Variants in RPS6KC1 observed in about 807,000 individuals in gnomAD.
RPS6KC1 encodes the protein ribosomal protein S6 kinase C1.
In RPS6KC1, 54 loss-of-function variants were observed where a neutral mutation model predicts 103.8. The ratio of observed to expected loss-of-function variants is 0.52; its 90% CI spans 0.42 to 0.65. RPS6KC1 has a LOEUF of 0.65. Among genes scored for constraint, RPS6KC1 ranks in the 30% least tolerant of loss-of-function variants. The pLI, the probability that RPS6KC1 is intolerant of heterozygous loss-of-function variation, is 0.00. For missense variants in RPS6KC1, 1,151 were observed against 1,253.8 expected, an observed-to-expected ratio of 0.92 and a Z score of 1.24; for synonymous variants, 439 against 438.7, an observed-to-expected ratio of 1.00 and a Z score of -0.01.
intron 6 of RPS6KC1, among the ~76,000 whole-genome samples, chr1:213,158,626 A>G (rs549539279): frequency 7.3e-4 from 111 of 152,342 alleles, no homozygotes; most frequent in African/African-American, 2.6e-3. Flanking sequence ...TATCGAAATA[A>G]AGAGTTAAAT....
At chr1:213,634,999 T>C in the RPS6KC1 span, among the ~76,000 whole-genome samples, 2 of 152,044 alleles carry the variant, frequency 1.3e-5, no homozygotes, top group African/African-American at 2.4e-5. Context: ...AAGACCTCTA[T>C]GCAAATAAAC....
the RPS6KC1 span, among the ~76,000 whole-genome samples, chr1:213,685,031 C>T: frequency 6.6e-6 from 1 of 152,186 alleles, no homozygotes; most frequent in Non-Finnish European, 1.5e-5. Context: ...ATTCACCCCA[C>T]CCTCTCCTTT....
chr1:213,214,831 G>A (rs2093616280), intron 8 of RPS6KC1, among the ~76,000 whole-genome samples: 1 of 152,130 alleles, frequency 6.6e-6, no homozygotes, highest in Non-Finnish European at 1.5e-5. Flanking sequence ...CTGTTAGAAT[G>A]AAAACTAACA....
chr1:213,786,419 A>T, the RPS6KC1 span, among the ~76,000 whole-genome samples: 11 of 152,328 alleles, frequency 7.2e-5, no homozygotes, highest in African/African-American at 2.6e-4. Context: ...GGACAACATG[A>T]AAATGAAATT....
chr1:213,673,089 A>G, the RPS6KC1 span, among the ~76,000 whole-genome samples: 1 of 152,200 alleles, frequency 6.6e-6, no homozygotes, highest in Non-Finnish European at 1.5e-5. Context: ...TGAAGCTACT[A>G]AGACCGAAGT....
chr1:213,363,251 C>CTTTCGTTCT, the RPS6KC1 span, among the ~76,000 whole-genome samples: 34 of 152,206 alleles, frequency 2.2e-4, no homozygotes, highest in African/African-American at 8.2e-4. Context: ...TCTGACTTCA[C>CTTTCGTTCT]TTTCTTTATA....
the RPS6KC1 span, among the ~76,000 whole-genome samples, chr1:213,586,035 C>A: frequency 6.6e-6 from 1 of 152,234 alleles, no homozygotes; most frequent in Non-Finnish European, 1.5e-5. Flanking sequence ...TTGACAGTCA[C>A]ATCTGGCCTC....
At chr1:213,511,680 C>G in the RPS6KC1 span, among the ~76,000 whole-genome samples, 4 of 152,184 alleles carry the variant, frequency 2.6e-5, no homozygotes, top group Non-Finnish European at 4.4e-5. Context: ...TACTTTTCCT[C>G]CAATAAACTA....
rs540907890 is a variant in RPS6KC1, at chr1:213,206,430, A to G, written c.1045-24067A>G. Among the ~76,000 whole-genome samples, 6 of 152,362 alleles carry G rather than the reference A, an allele frequency of 3.9e-5. No individual in the cohort carries two copies. In the East Asian group the frequency reaches 1.2e-3, roughly 29 times the overall value. ...GCAGGCACTGTGTTAGGTGCTGGACATATTACAGTATATCAGACATGGTTC... is the reference window on the plus strand; with the variant it reads ...GCAGGCACTGTGTTAGGTGCTGGACGTATTACAGTATATCAGACATGGTTC... On this transcript the variant is annotated intron_variant, in intron 8 of 14. Transcript: ENST00000366960.
intron 6 of RPS6KC1, among the ~76,000 whole-genome samples, chr1:213,149,912 C>G (rs2088445485): frequency 6.6e-6 from 1 of 152,266 alleles, no homozygotes; most frequent in Middle Eastern, 3.4e-3. Flanking sequence ...TTGTTTGTCT[C>G]TTCTTATAGT....
At chr1:213,648,441 A>G in the RPS6KC1 span, among the ~76,000 whole-genome samples, 1 of 152,094 alleles carries the variant, frequency 6.6e-6, no homozygotes, top group African/African-American at 2.4e-5. Flanking sequence ...GAGTAATATA[A>G]TCATCCAGGT....
chr1:213,656,035 A>G, the RPS6KC1 span, among the ~76,000 whole-genome samples: 2 of 152,314 alleles, frequency 1.3e-5, no homozygotes, highest in Non-Finnish European at 2.9e-5. Flanking sequence ...TAGCATTTAT[A>G]TGGTGGTGAC....
chr1:213,115,766 T>C (rs968374876), intron 4 of RPS6KC1, among the ~76,000 whole-genome samples: 1 of 152,242 alleles, frequency 6.6e-6, no homozygotes, highest in African/African-American at 2.4e-5. Context: ...TTTGTTCTTG[T>C]TGGTTTCAAA....
intron 6 of RPS6KC1, among the ~76,000 whole-genome samples, chr1:213,137,090 A>G (rs944376891): frequency 5.3e-5 from 8 of 151,974 alleles, no homozygotes; most frequent in Non-Finnish European, 8.8e-5. Context: ...TGCAATTTCC[A>G]TTATGGATGA....
At chr1:213,408,715 A>G in the RPS6KC1 span, among the ~76,000 whole-genome samples, 2 of 152,212 alleles carry the variant, frequency 1.3e-5, no homozygotes, top group Admixed American at 1.3e-4. Context: ...CTGTTTCTCC[A>G]TACACACAGA....
intron 2 of RPS6KC1, among the ~76,000 whole-genome samples, chr1:213,073,282 G>A (rs1269998931): frequency 2.6e-5 from 4 of 152,222 alleles, no homozygotes; most frequent in Non-Finnish European, 4.4e-5. Flanking sequence ...AGGACTAGAT[G>A]TACTGATAGT....
At chr1:213,224,767 C>T (rs17020289) in intron 8 of RPS6KC1, among the ~76,000 whole-genome samples, 1,752 of 152,200 alleles carry the variant, frequency 0.012, 32 homozygotes, top group African/African-American at 0.04. Context: ...GTCCTTTATG[C>T]TGACAGTTTC....
chr1:213,111,836 T>A (rs2083056932), intron 4 of RPS6KC1, among the ~76,000 whole-genome samples: 1 of 152,186 alleles, frequency 6.6e-6, no homozygotes, highest in African/African-American at 2.4e-5. Flanking sequence ...AATCTTGATT[T>A]GGTTTGGATA....
intron 12 of RPS6KC1, among the ~76,000 whole-genome samples, chr1:213,258,720 A>C (rs1166650830): frequency 6.6e-6 from 1 of 152,226 alleles, no homozygotes; most frequent in African/African-American, 2.4e-5. Context: ...GACTGGAAGG[A>C]AATGTACAAA....
Sources: gnomAD v4.1 joint callset for allele counts (sites outside exome capture counted in the v4.1 genomes callset) on GRCh38, gnomAD v4.1.1 for gene constraint, MANE v1.5 for transcripts, NCBI Gene and HGNC (gene_info 2026-07-23, HGNC 2026-07-21) for gene names.